The following PFKFB3 variants were observed in gnomAD, a reference collection of about 807,000 sequenced individuals.
The protein encoded by PFKFB3 is 6-phosphofructo-2-kinase/fructose-2,6-bisphosphatase 3.
A neutral mutation model predicts 68.0 loss-of-function variants in PFKFB3; 33 were observed. The observed-to-expected ratio is 0.49, with a 90% CI of 0.37 to 0.65. PFKFB3 has a LOEUF of 0.65. PFKFB3 is among the 30% of genes least tolerant of loss of function. The pLI is 0.00. For missense variants in PFKFB3, 586 were observed against 712.2 expected (o/e 0.82, Z 2.02); for synonymous variants, 315 against 288.2 (o/e 1.09, Z -0.94).
intron 2 of PFKFB3, 105 bp downstream of exon 2, chr10:6,213,853 C>G (rs1410549452): frequency 1.6e-6 from 2 of 1,263,716 alleles, no homozygotes; most frequent in Admixed American, 2.0e-5. Context: ...CCTCTGTCCC[C>G]TGGTCGGGGA....
At chr10:6,223,808 G>GGTTTT (rs1379033008) in intron 11 of PFKFB3, 150 bp from the exon 12 acceptor site, 3 of 700,284 alleles carry the variant, frequency 4.3e-6, no homozygotes, top group African/African-American at 3.5e-5. Flanking sequence ...GTAGAGATGG[G>GGTTTT]GTTTTGCCAT....
At chr10:6,266,445 T>A in the PFKFB3 span, among the ~76,000 whole-genome samples, 9 of 152,166 alleles carry the variant, frequency 5.9e-5, no homozygotes, top group Non-Finnish European at 1.2e-4. Context: ...TCTAAGACTG[T>A]CGATGTCTCT....
At chr10:6,309,479 A>C in the PFKFB3 span, among the ~76,000 whole-genome samples, 1 of 151,964 alleles carries the variant, frequency 6.6e-6, no homozygotes. Context: ...CAAATTAGCC[A>C]GGCATGGTGG....
intron 1 of PFKFB3, among the ~76,000 whole-genome samples, chr10:6,204,583 C>G (rs2131869237): frequency 6.6e-6 from 1 of 152,340 alleles, no homozygotes; most frequent in African/African-American, 2.4e-5. Flanking sequence ...CTTCAGGGTT[C>G]TGGGGTAGCC....
At chr10:6,231,352 C>T (rs183238552) in intron 14 of PFKFB3, 36 of 1,611,534 alleles carry the variant, frequency 2.2e-5, no homozygotes, top group Middle Eastern at 3.3e-4. Context: ...TCCCGCACCG[C>T]GTCACGGCAT....
intron 1 of PFKFB3, among the ~76,000 whole-genome samples, chr10:6,147,926 C>A (rs1290631257): frequency 2.0e-5 from 3 of 151,994 alleles, no homozygotes; most frequent in Non-Finnish European, 4.4e-5. Context: ...CTTCAGGGTA[C>A]AACAGAGAAG....
At chr10:6,277,985 CT>C in the PFKFB3 span, among the ~76,000 whole-genome samples, 1 of 149,700 alleles carries the variant, frequency 6.7e-6, no homozygotes, top group African/African-American at 2.5e-5. Context: ...GGCACCATCT[CT>C]GGCTCACTGT....
chr10:6,226,824 G>A (rs1039807617), intron 14 of PFKFB3, among the ~76,000 whole-genome samples: 10 of 152,312 alleles, frequency 6.6e-5, no homozygotes, highest in Non-Finnish European at 1.2e-4. Context: ...GGTGGCTCAC[G>A]CCTGTAATCC....
At chr10:6,193,182 AC>A (rs936017745) in intron 1 of PFKFB3, among the ~76,000 whole-genome samples, 7 of 152,170 alleles carry the variant, frequency 4.6e-5, no homozygotes, top group African/African-American at 1.7e-4. Context: ...CCCTGTCTCT[AC>A]AAAAACAAAA....
At chr10:6,285,930 C>T in the PFKFB3 span, among the ~76,000 whole-genome samples, 2 of 148,382 alleles carry the variant, frequency 1.3e-5, no homozygotes, top group Admixed American at 1.3e-4. Context: ...TATGTATGTA[C>T]TACGTTTTAA....
chr10:6,220,778 C>T lies in PFKFB3; in HGVS notation c.744C>T (p.Thr248=). The T allele has an allele frequency of 6.2e-7, 1 of 1,614,110 alleles. No individual in the cohort carries two copies. The highest frequency in any genetic ancestry group is 8.5e-7 in the Non-Finnish European group (1 of 1,180,038). Residue 248 remains threonine, a synonymous_variant, in exon 8 of 15, where the codon ACC becomes ACT. Transcript: ENST00000379775. The surrounding 1 kb of genome is among the most constrained non-coding windows in gnomAD (Gnocchi z 4.1). ...YLMNIHVQPR[T]IYLCRHGENE... ...TGAACATCCACGTGCAGCCGCGTAC[C>T]ATCTACCTGTGCCGGCACGGCGAGA...
At chr10:6,240,724 C>G (rs956594681) in intron 14 of PFKFB3, among the ~76,000 whole-genome samples, 19 of 152,160 alleles carry the variant, frequency 1.2e-4, no homozygotes, top group African/African-American at 3.9e-4. Context: ...AACAAAACTA[C>G]AGACTTCATT....
chr10:6,261,196 G>T, the PFKFB3 span, among the ~76,000 whole-genome samples: 1 of 152,194 alleles, frequency 6.6e-6, no homozygotes, highest in African/African-American at 2.4e-5. Context: ...CTTTTGTGAA[G>T]TACATTTTGA....
intron 14 of PFKFB3, among the ~76,000 whole-genome samples, chr10:6,227,559 G>A (rs1240901185): frequency 6.6e-6 from 1 of 152,226 alleles, no homozygotes; most frequent in Non-Finnish European, 1.5e-5. Flanking sequence ...TAATGGCAGT[G>A]CAGAAGTCAG....
chr10:6,304,685 C>CTTTT, the PFKFB3 span, among the ~76,000 whole-genome samples: 1 of 133,538 alleles, frequency 7.5e-6, no homozygotes, highest in East Asian at 2.2e-4. Flanking sequence ...ATATTAGGAA[C>CTTTT]TTTTTTTTTT....
chr10:6,165,793 T>C (rs559455955), intron 1 of PFKFB3, among the ~76,000 whole-genome samples: 4 of 152,088 alleles, frequency 2.6e-5, no homozygotes, highest in African/African-American at 9.6e-5. Flanking sequence ...TAGTACCCAG[T>C]ATTTTATTTT....
chr10:6,187,198 T>TAAAAAA lies in PFKFB3; in HGVS notation c.17-26417_17-26412dup, dbSNP rs770875957. On this transcript the variant is annotated intron_variant, in intron 1 of 14. Coordinates refer to the PFKFB3 transcript ENST00000379789. Reference sequence around the variant, plus strand: ...CAACATGGTGAATCCCTGTTTCTACTAAAAAAAAAAAAATTAGCTGGACAT... The same window carrying TAAAAAA: ...CAACATGGTGAATCCCTGTTTCTACTAAAAAAAAAAAAAAAAAAATTAGCTGGACAT... Among the ~76,000 whole-genome samples, 630 of 142,044 alleles carry TAAAAAA rather than the reference T, an allele frequency of 4.4e-3. 11 individuals are homozygous for TAAAAAA. Among genetic ancestry groups the TAAAAAA allele is most frequent in the East Asian group, 0.011 (55 of 4,898 alleles). The allele number at this position is 142,044 out of a possible 152,430, so 93.2% of individuals were successfully genotyped here.
At position 6,192,589 on chromosome 10, in the gene PFKFB3, T is replaced by G. The variant is rs1224751927; in HGVS notation, c.17-21034T>G. ...TTCCCATACCCAGCAGAACGTGATC[T>G]GGGTTCCAGTTTCTGTTCTCCCTAG... On this transcript the variant is annotated intron_variant, in intron 1 of 14. Transcript: ENST00000379789. 3.3e-5 allele frequency among the ~76,000 whole-genome samples: 5 copies of G among 152,232 alleles called. No individual in the cohort carries two copies. In the East Asian group the frequency reaches 9.7e-4, roughly 29 times the overall value.
chr10:6,276,297 T>C, the PFKFB3 span, among the ~76,000 whole-genome samples: 1 of 152,118 alleles, frequency 6.6e-6, no homozygotes, highest in Non-Finnish European at 1.5e-5. Context: ...TTTATTTATA[T>C]GTATGTGTCA....
Sources: allele counts gnomAD v4.1 joint callset (sites outside exome capture counted in the v4.1 genomes callset), GRCh38; gene constraint gnomAD v4.1.1; non-coding constraint Gnocchi (gnomAD v3.1); transcripts MANE v1.5; gene names NCBI Gene and HGNC (gene_info 2026-07-23, HGNC 2026-07-21).